Variants in LOC128462377 observed in about 807,000 individuals in gnomAD.
chr16:89,362,576 T>C, the LOC128462377 span, among the ~76,000 whole-genome samples: 5 of 152,228 alleles, frequency 3.3e-5, no homozygotes, highest in Non-Finnish European at 7.3e-5. Flanking sequence ...CTTCAAAGAC[T>C]TTCCTCCCCA....
the LOC128462377 span, among the ~76,000 whole-genome samples, chr16:89,386,647 T>G: frequency 9.2e-5 from 14 of 152,196 alleles, no homozygotes; most frequent in Admixed American, 7.2e-4. Context: ...AAATCTCTTC[T>G]CGTCCAGGAA....
the LOC128462377 span, among the ~76,000 whole-genome samples, chr16:89,357,485 G>A: frequency 6.6e-6 from 1 of 152,238 alleles, no homozygotes; most frequent in Non-Finnish European, 1.5e-5. Flanking sequence ...ATTACAAAAG[G>A]ACTAAGCATA....
At chr16:89,384,351 C>T in the LOC128462377 span, among the ~76,000 whole-genome samples, 20 of 152,140 alleles carry the variant, frequency 1.3e-4, no homozygotes, top group Non-Finnish European at 2.2e-4. Context: ...TCCAACATAG[C>T]GAAACCCCAT....
At chr16:89,415,261 CTTTTTTTT>C in the LOC128462377 span, among the ~76,000 whole-genome samples, 1 of 84,532 alleles carries the variant, frequency 1.2e-5, no homozygotes, top group Non-Finnish European at 2.2e-5. Flanking sequence ...GCCAGCTATT[CTTTTTTTT>C]TTTTTTTTTT....
the LOC128462377 span, among the ~76,000 whole-genome samples, chr16:89,330,674 G>A: frequency 2.0e-3 from 62 of 30,370 alleles, 2 homozygotes; most frequent in Middle Eastern, 0.012. Flanking sequence ...GGGGGGGGGG[G>A]GCGGGGGCGG....
the LOC128462377 span, among the ~76,000 whole-genome samples, chr16:89,350,995 C>G: frequency 6.6e-6 from 1 of 152,314 alleles, no homozygotes; most frequent in South Asian, 2.1e-4. Flanking sequence ...TGGGTACGCA[C>G]ACTCTGTGAT....
the LOC128462377 span, among the ~76,000 whole-genome samples, chr16:89,375,084 A>G: frequency 0.035 from 5,363 of 152,104 alleles, 225 homozygotes; most frequent in East Asian, 0.18. Flanking sequence ...GGAAACGTAA[A>G]CAAACGTAAC....
the LOC128462377 span, among the ~76,000 whole-genome samples, chr16:89,380,843 C>T: frequency 2.6e-5 from 4 of 152,128 alleles, no homozygotes; most frequent in South Asian, 2.1e-4. Context: ...TGTGCAGTTC[C>T]GGCCCCAAAG....
chr16:89,367,967 G>A, the LOC128462377 span, among the ~76,000 whole-genome samples: 1 of 151,792 alleles, frequency 6.6e-6, no homozygotes, highest in Non-Finnish European at 1.5e-5. Context: ...CTGCACCACT[G>A]CACTCCAGTG....
At chr16:89,375,274 T>C in the LOC128462377 span, among the ~76,000 whole-genome samples, 1 of 152,156 alleles carries the variant, frequency 6.6e-6, no homozygotes, top group African/African-American at 2.4e-5. Flanking sequence ...CCAGAAATTG[T>C]GTATCACAGT....
chr16:89,415,654 C>T, the LOC128462377 span, among the ~76,000 whole-genome samples: 1 of 150,446 alleles, frequency 6.6e-6, no homozygotes, highest in Non-Finnish European at 1.5e-5. Context: ...ACAGTGAAAC[C>T]CTATCTCTAC....
chr16:89,415,633 G>C, the LOC128462377 span, among the ~76,000 whole-genome samples: 1 of 151,116 alleles, frequency 6.6e-6, no homozygotes, highest in East Asian at 2.0e-4. Flanking sequence ...TTCAAGACCA[G>C]CCTGGCCAAC....
chr16:89,351,067 A>C, the LOC128462377 span, among the ~76,000 whole-genome samples: 1 of 152,160 alleles, frequency 6.6e-6, no homozygotes, highest in East Asian at 1.9e-4. Flanking sequence ...ACCGCTATTA[A>C]AATTGATGCA....
the LOC128462377 span, among the ~76,000 whole-genome samples, chr16:89,386,999 C>T: frequency 1.3e-5 from 2 of 151,952 alleles, no homozygotes; most frequent in East Asian, 3.9e-4. Context: ...CCTGTATCGA[C>T]TGGGTGCTCT....
At chr16:89,385,723 C>G in the LOC128462377 span, among the ~76,000 whole-genome samples, 544 of 152,376 alleles carry the variant, frequency 3.6e-3, 3 homozygotes, top group African/African-American at 0.012. Context: ...AAAGAAAACC[C>G]CACTCAGCAC....
chr16:89,357,859 G>C, the LOC128462377 span, among the ~76,000 whole-genome samples: 5 of 152,230 alleles, frequency 3.3e-5, no homozygotes, highest in African/African-American at 1.2e-4. Context: ...CCAGGGTGCT[G>C]GCTGCCCCTT....
At chr16:89,391,762 T>G in the LOC128462377 span, among the ~76,000 whole-genome samples, 1 of 152,140 alleles carries the variant, frequency 6.6e-6, no homozygotes, top group African/African-American at 2.4e-5. Flanking sequence ...TTCAAAGACT[T>G]TCCTCCCCAT....
chr16:89,383,656 C>G, the LOC128462377 span, among the ~76,000 whole-genome samples: 2 of 152,106 alleles, frequency 1.3e-5, no homozygotes, highest in Admixed American at 6.5e-5. Flanking sequence ...AGACGTCGAG[C>G]CCCTACCCTC....
the LOC128462377 span, among the ~76,000 whole-genome samples, chr16:89,363,740 G>A: frequency 1.2e-4 from 18 of 152,228 alleles, no homozygotes; most frequent in East Asian, 3.9e-4. Flanking sequence ...GGAAGAACAC[G>A]GGCCTGCAGG....
Sources: allele counts gnomAD v4.1 joint callset (sites outside exome capture counted in the v4.1 genomes callset), GRCh38; gene constraint gnomAD v4.1.1; transcripts MANE v1.5.